MAGI2: variants seen among roughly 807,000 people sequenced by gnomAD.
MAGI2 encodes membrane associated guanylate kinase, WW and PDZ domain containing 2, also known as membrane-associated guanylate kinase, WW and PDZ domain-containing protein 2.
In MAGI2, 35 loss-of-function variants were observed where a neutral mutation model predicts 133.3. The ratio of observed to expected loss-of-function variants is 0.26; its 90% CI spans 0.20 to 0.35. MAGI2 has a LOEUF of 0.35. Among genes scored for constraint, MAGI2 ranks in the 10% least tolerant of loss-of-function variants. The pLI is 1.00. For missense variants in MAGI2, 1,636 were observed against 1,863.4 expected (o/e 0.88, Z 2.25); for synonymous variants, 729 against 710.6 (o/e 1.03, Z -0.41).
At chr7:78,639,921 A>AT (rs1810100786) in intron 2 of MAGI2, among the ~76,000 whole-genome samples, 1 of 152,188 alleles carries the variant, frequency 6.6e-6, no homozygotes, top group African/African-American at 2.4e-5. Context: ...AAGTATCCAG[A>AT]TTTTCAGCCT....
At chr7:78,483,907 T>A (rs899955653) in intron 6 of MAGI2, among the ~76,000 whole-genome samples, 1 of 151,986 alleles carries the variant, frequency 6.6e-6, no homozygotes, top group Non-Finnish European at 1.5e-5. Context: ...AGGATCTTTT[T>A]ATGAGTTCTT....
chr7:78,315,751 T>C lies in MAGI2; in HGVS notation c.1408+28027A>G, dbSNP rs144653043. On this transcript the variant is annotated intron_variant, in intron 9 of 21. Coordinates refer to ENST00000354212, the MANE Select transcript of MAGI2 (RefSeq NM_012301.4). Reference sequence around the variant, plus strand: ...ATTAGAGCTTCTTTACTGTTCCATTTCAACCTCGTTTGTCTCTATTCATTT... The same window carrying C: ...ATTAGAGCTTCTTTACTGTTCCATTCCAACCTCGTTTGTCTCTATTCATTT... Among the ~76,000 whole-genome samples the C allele has an allele frequency of 2.4e-3, 361 of 152,338 alleles. 1 individual carries two copies. The highest frequency in any genetic ancestry group is 0.013 in the South Asian group (64 of 4,830).
Position 78,057,977 on chromosome 7 carries a change from G to GTATATATATATATATATATATA in MAGI2, c.3706+20948_3706+20969dup, listed in dbSNP as rs58788674. ...CCCCTCTGGCATTTTATATATATGT[G>GTATATATATATATATATATATA]TATATATATATATATATATATATAT... is the stretch of plus-strand genomic sequence containing the variant. On this transcript the variant is annotated intron_variant, in intron 21 of 21. Coordinates refer to ENST00000354212, the MANE Select transcript of MAGI2 (RefSeq NM_012301.4). Among the ~76,000 whole-genome samples the GTATATATATATATATATATATA allele has an allele frequency of 4.1e-3, 435 of 106,378 alleles. 15 individuals carry two copies. Among genetic ancestry groups the GTATATATATATATATATATATA allele is most frequent in the Middle Eastern group, 0.01 (2 of 198 alleles). 69.8% of individuals were successfully genotyped at this position (106,378 alleles called of 152,430 possible).
chr7:78,740,041 G>A (rs1257886329), intron 2 of MAGI2, among the ~76,000 whole-genome samples: 4 of 152,056 alleles, frequency 2.6e-5, no homozygotes, highest in Non-Finnish European at 4.4e-5. Flanking sequence ...GGCGCCTGTA[G>A]TCCCAGCTAC....
chr7:78,520,374 C>G, intron 4 of MAGI2, among the ~76,000 whole-genome samples: 1 of 151,842 alleles, frequency 6.6e-6, no homozygotes, highest in East Asian at 1.9e-4. Flanking sequence ...TATGTTAGTT[C>G]CTTGATAAAA....
chr7:79,043,542 C>CAAAAAAAAA (rs58828466), intron 1 of MAGI2, among the ~76,000 whole-genome samples: 16 of 40,378 alleles, frequency 4.0e-4, no homozygotes, highest in African/African-American at 8.6e-4. Flanking sequence ...GACTCCATCA[C>CAAAAAAAAA]AAAAAAAAAA....
chr7:79,229,769 T>C (rs1280374092), intron 1 of MAGI2, among the ~76,000 whole-genome samples: 2 of 152,088 alleles, frequency 1.3e-5, no homozygotes, highest in African/African-American at 4.8e-5. Context: ...TGAAAAATAT[T>C]CTTTTTTTTT....
chr7:79,014,598 G>C (rs1028493119), intron 1 of MAGI2, among the ~76,000 whole-genome samples: 1 of 151,982 alleles, frequency 6.6e-6, no homozygotes, highest in African/African-American at 2.4e-5. Context: ...ATGGGTAAAA[G>C]GGACATAATA....
intron 2 of MAGI2, among the ~76,000 whole-genome samples, chr7:78,734,082 T>A (rs1386703413): frequency 6.6e-6 from 1 of 152,202 alleles, no homozygotes; most frequent in Non-Finnish European, 1.5e-5. Context: ...ATAGATGATA[T>A]CATATGTTGC....
intron 3 of MAGI2, among the ~76,000 whole-genome samples, chr7:78,605,180 G>T (rs1220639319): frequency 1.3e-5 from 2 of 152,166 alleles, no homozygotes; most frequent in Non-Finnish European, 2.9e-5. Context: ...AGTCTGACAA[G>T]AAATGTGCAT....
intron 2 of MAGI2, among the ~76,000 whole-genome samples, chr7:78,768,403 T>G (rs756085337): frequency 4.6e-5 from 7 of 152,362 alleles, no homozygotes; most frequent in Non-Finnish European, 8.8e-5. Flanking sequence ...AGCAATCGGA[T>G]CTACATGCTG....
At chr7:79,350,862 A>T (rs1002310599) in intron 1 of MAGI2, among the ~76,000 whole-genome samples, 1 of 152,164 alleles carries the variant, frequency 6.6e-6, no homozygotes, top group African/African-American at 2.4e-5. Context: ...AAGGACCTCA[A>T]AAGCATCTGG....
intron 1 of MAGI2, among the ~76,000 whole-genome samples, chr7:79,217,036 A>G (rs985377123): frequency 1.3e-5 from 2 of 152,108 alleles, no homozygotes; most frequent in Admixed American, 1.3e-4. Flanking sequence ...ACAGTTTATG[A>G]TAAGTTGTTC....
intron 11 of MAGI2, among the ~76,000 whole-genome samples, chr7:78,197,035 G>C (rs768915915): frequency 1.3e-5 from 2 of 152,190 alleles, no homozygotes; most frequent in African/African-American, 4.8e-5. Flanking sequence ...TGTTAAATAT[G>C]GTTTGAGTTT....
At chr7:78,983,477 T>C (rs1387393144) in intron 2 of MAGI2, among the ~76,000 whole-genome samples, 1 of 151,948 alleles carries the variant, frequency 6.6e-6, no homozygotes, top group African/African-American at 2.4e-5. Flanking sequence ...GATATTACAA[T>C]AGTACTTTTT....
At chr7:78,458,024 G>T (rs1035869370) in intron 6 of MAGI2, among the ~76,000 whole-genome samples, 3 of 152,028 alleles carry the variant, frequency 2.0e-5, no homozygotes. Context: ...TAGGCTGGGC[G>T]TGGTGGCTAA....
intron 6 of MAGI2, among the ~76,000 whole-genome samples, chr7:78,423,958 C>A (rs1799038456): frequency 6.6e-6 from 1 of 152,138 alleles, no homozygotes; most frequent in Non-Finnish European, 1.5e-5. Context: ...AAAAGAAAAA[C>A]CCATTTTCTG....
chr7:78,939,653 C>G (rs79629254), intron 2 of MAGI2, among the ~76,000 whole-genome samples: 2,628 of 152,250 alleles, frequency 0.017, 82 homozygotes, highest in African/African-American at 0.06. Flanking sequence ...ATTTGTCACT[C>G]TCTGGGAAAG....
intron 1 of MAGI2, among the ~76,000 whole-genome samples, chr7:79,283,078 A>G (rs1835769831): frequency 6.6e-6 from 1 of 152,120 alleles, no homozygotes; most frequent in South Asian, 2.1e-4. Flanking sequence ...AATCCTAGTG[A>G]AATGCAGCCT....
Sources: allele counts gnomAD v4.1 joint callset (sites outside exome capture counted in the v4.1 genomes callset), GRCh38; gene constraint gnomAD v4.1.1; transcripts MANE v1.5; gene names NCBI Gene and HGNC (gene_info 2026-07-23, HGNC 2026-07-21).